Variants in ST6GAL1 observed in about 807,000 individuals in gnomAD.
The protein encoded by ST6GAL1 is ST6 beta-galactoside alpha-2,6-sialyltransferase 1.
In ST6GAL1, 20 loss-of-function variants were observed where a neutral mutation model predicts 38.0. The ratio of observed to expected loss-of-function variants is 0.53; its 90% CI spans 0.37 to 0.77. The LOEUF (loss-of-function observed/expected upper bound fraction) is 0.77. Ranked by LOEUF, ST6GAL1 falls within the 30% of genes least tolerant of loss-of-function variation. ST6GAL1 has a pLI of 0.00. For missense variants in ST6GAL1, 432 were observed against 496.4 expected (o/e 0.87, Z 1.23); for synonymous variants, 196 against 188.2 (o/e 1.04, Z -0.34).
chr3:186,935,409 T>C (rs1713914604), intron 1 of ST6GAL1, among the ~76,000 whole-genome samples: 3 of 152,194 alleles, frequency 2.0e-5, no homozygotes, highest in Admixed American at 2.0e-4. Context: ...TTATCTAGGC[T>C]ACTGTTGATG....
intron 2 of ST6GAL1, chr3:186,996,456 T>C (rs1016965892): frequency 1.3e-5 from 2 of 152,214 alleles, no homozygotes; most frequent in Admixed American, 6.5e-5. Context: ...AGTTGTTTCC[T>C]GGCTAAAAAT....
chr3:186,938,937 C>T lies in ST6GAL1; in HGVS notation c.-325+8103C>T, dbSNP rs142309378. On this transcript the variant is annotated intron_variant, in intron 1 of 7. Coordinates refer to ENST00000169298, the MANE Select transcript of ST6GAL1 (RefSeq NM_173216.2). ...CTGGCTAAGAGCCTGCCTCTGCTGT[C>T]GCAGTCATGGGACTGTGTGTGTGTA... 2.2e-3 allele frequency among the ~76,000 whole-genome samples: 341 copies of T among 152,122 alleles called. 2 individuals carry two copies. Among genetic ancestry groups the T allele is most frequent in the South Asian group, 0.016 (75 of 4,806 alleles).
chr3:186,994,057 T>G (rs2108547694), intron 2 of ST6GAL1, among the ~76,000 whole-genome samples: 1 of 152,296 alleles, frequency 6.6e-6, no homozygotes, highest in Non-Finnish European at 1.5e-5. Flanking sequence ...TGGGATGAGA[T>G]TGTCTTCAAT....
chr3:187,029,002 C>T (rs1233503503), intron 2 of ST6GAL1, among the ~76,000 whole-genome samples: 1 of 148,962 alleles, frequency 6.7e-6, no homozygotes, highest in Non-Finnish European at 1.5e-5. Flanking sequence ...AGGAGAATCG[C>T]TTGAACCTGG....
chr3:187,076,150 G>A lies in ST6GAL1; in HGVS notation c.*347G>A, dbSNP rs1719553848. 1 of 280,206 alleles carries A rather than the reference G, an allele frequency of 3.6e-6. No homozygotes were observed. Among genetic ancestry groups the A allele is most frequent in the Non-Finnish European group, 6.8e-6 (1 of 147,560 alleles). The allele number at this position is 280,206 out of a possible 1,614,324, so 17.4% of individuals were successfully genotyped here. The stretch of plus-strand genomic sequence containing the variant: ...GCTTTGTTTTTCCCAGCAGAATGAT[G>A]CCATTCTCACAAACCAATGCTCTAT... On this transcript the variant is annotated 3_prime_UTR_variant, in exon 8 of 8. Transcript: ENST00000169298.
At chr3:186,987,999 C>T (rs548844486) in intron 2 of ST6GAL1, among the ~76,000 whole-genome samples, 3 of 152,144 alleles carry the variant, frequency 2.0e-5, no homozygotes, top group Non-Finnish European at 4.4e-5. Context: ...TGCTTTAGTT[C>T]CTGTTTGTGG....
At position 187,076,576 on chromosome 3, in the gene ST6GAL1, C is replaced by A. The variant is rs975653786; in HGVS notation, c.*773C>A. 15 of 355,772 alleles carry A rather than the reference C, an allele frequency of 4.2e-5. No individual in the cohort carries two copies. The highest frequency in any genetic ancestry group is 2.9e-4 in the African/African-American group (14 of 47,624). The allele number at this position is 355,772 out of a possible 1,614,324, so 22.0% of individuals were successfully genotyped here. A position where few individuals can be genotyped will look rare whatever the true frequency, so the allele number is the denominator to read the frequency against. On this transcript the variant is annotated 3_prime_UTR_variant, in exon 8 of 8. Coordinates refer to ENST00000169298, the MANE Select transcript of ST6GAL1 (RefSeq NM_173216.2). ...GGATTTGGAGAGAGATGGGCTTGCT[C>A]TCTCTGTGCACCCAGGAGGGCCACG... is the stretch of plus-strand genomic sequence containing the variant.
chr3:187,013,537 T>G (rs1043852730), intron 2 of ST6GAL1, among the ~76,000 whole-genome samples: 2 of 152,204 alleles, frequency 1.3e-5, no homozygotes, highest in South Asian at 4.1e-4. Context: ...CTCTTTGCTG[T>G]GGAGCAGTGT....
intron 5 of ST6GAL1, among the ~76,000 whole-genome samples, chr3:187,070,821 C>A (rs1205106436): frequency 6.6e-6 from 1 of 152,212 alleles, no homozygotes; most frequent in Non-Finnish European, 1.5e-5. Context: ...TCCCACTACC[C>A]TGTGACCTCC....
At chr3:186,990,175 A>G (rs1360486283) in intron 2 of ST6GAL1, among the ~76,000 whole-genome samples, 1 of 152,232 alleles carries the variant, frequency 6.6e-6, no homozygotes, top group Non-Finnish European at 1.5e-5. Flanking sequence ...CTGGGATTAC[A>G]GGCACATTCC....
At chr3:187,026,125 T>A (rs918125564) in intron 2 of ST6GAL1, among the ~76,000 whole-genome samples, 4 of 152,228 alleles carry the variant, frequency 2.6e-5, no homozygotes. Flanking sequence ...TTCACTGTCT[T>A]CTCAGATTCA....
At chr3:187,047,817 G>A (rs1718351488) in intron 4 of ST6GAL1, among the ~76,000 whole-genome samples, 1 of 151,866 alleles carries the variant, frequency 6.6e-6, no homozygotes, top group African/African-American at 2.4e-5. Context: ...TATAATAATT[G>A]TACATATTTA....
chr3:186,986,976 T>TAA (rs11425294), intron 2 of ST6GAL1, among the ~76,000 whole-genome samples: 20 of 151,762 alleles, frequency 1.3e-4, no homozygotes, highest in African/African-American at 2.4e-4. Flanking sequence ...TCTTTCCTTT[T>TAA]AAAAAAAAGT....
chr3:187,010,778 ACGCC>A, intron 2 of ST6GAL1, among the ~76,000 whole-genome samples: 1 of 152,300 alleles, frequency 6.6e-6, no homozygotes, highest in African/African-American at 2.4e-5. Flanking sequence ...CTGATTGATA[ACGCC>A]CAAAGCCCCG....
intron 2 of ST6GAL1, among the ~76,000 whole-genome samples, chr3:186,997,613 C>G (rs1399437758): frequency 6.6e-6 from 1 of 151,600 alleles, no homozygotes; most frequent in African/African-American, 2.4e-5. Context: ...AAAAAATAGC[C>G]AGGTGTGGTA....
chr3:186,953,628 T>C (rs1166078357), intron 1 of ST6GAL1, among the ~76,000 whole-genome samples: 2 of 152,200 alleles, frequency 1.3e-5, no homozygotes, highest in Non-Finnish European at 2.9e-5. Flanking sequence ...CTTGCTTCCA[T>C]GAGGGCAAGG....
chr3:187,024,739 G>A (rs9941987), intron 2 of ST6GAL1: 130,120 of 151,920 alleles, frequency 0.86, 55,793 homozygotes, highest in East Asian at 0.92. Flanking sequence ...AATATATGCC[G>A]TGGAAAAGAA....
chr3:187,064,574 T>TA (rs767589881), intron 5 of ST6GAL1: 4 of 456,602 alleles, frequency 8.8e-6, no homozygotes, highest in Admixed American at 4.7e-5. Context: ...CTTCCCGGGA[T>TA]ACACTACCCA....
At chr3:187,015,258 A>T (rs1717078736) in intron 2 of ST6GAL1, among the ~76,000 whole-genome samples, 1 of 152,220 alleles carries the variant, frequency 6.6e-6, no homozygotes, top group Admixed American at 6.5e-5. Flanking sequence ...TCCTTAGCAG[A>T]CTTAGGCTGT....
Sources: allele counts gnomAD v4.1 joint callset (sites outside exome capture counted in the v4.1 genomes callset), GRCh38; gene constraint gnomAD v4.1.1; transcripts MANE v1.5; gene names NCBI Gene and HGNC (gene_info 2026-07-23, HGNC 2026-07-21).